HTR2C: variants seen among roughly 807,000 people sequenced by gnomAD.
The protein encoded by HTR2C is 5-hydroxytryptamine receptor 2C.
A neutral mutation model predicts 21.0 loss-of-function variants in HTR2C; 5 were observed. The ratio of observed to expected loss-of-function variants is 0.24; its 90% CI spans 0.12 to 0.50. The LOEUF (loss-of-function observed/expected upper bound fraction) is 0.50. HTR2C is among the 20% of genes least tolerant of loss of function. HTR2C has a pLI of 0.98. For missense variants in HTR2C, 271 were observed against 371.2 expected (o/e 0.73, Z 2.22); for synonymous variants, 150 against 145.3 (o/e 1.03, Z -0.23).
intron 4 of HTR2C, among the ~76,000 whole-genome samples, chrX:114,841,467 C>T (rs1417302519): frequency 6.2e-5 from 7 of 112,054 alleles, no homozygotes; most frequent in African/African-American, 1.3e-4. Flanking sequence ...TGCGGCTGGG[C>T]GCAGTGGCTC....
chrX:114,811,968 A>G (rs2070535992), intron 4 of HTR2C, among the ~76,000 whole-genome samples: 1 of 111,367 alleles, frequency 9.0e-6, no homozygotes, highest in Admixed American at 9.6e-5. Context: ...TCTGGGGTAC[A>G]TGTGCAGGAT....
intron 4 of HTR2C, among the ~76,000 whole-genome samples, chrX:114,768,326 C>G (rs2069965955): frequency 9.0e-6 from 1 of 110,799 alleles, no homozygotes; most frequent in African/African-American, 3.3e-5. Context: ...ATATTAAAAG[C>G]TGAATGTGAA....
chrX:114,713,195 A>G (rs1306808068), intron 2 of HTR2C, among the ~76,000 whole-genome samples: 4 of 111,426 alleles, frequency 3.6e-5, no homozygotes, highest in African/African-American at 1.3e-4. Context: ...TTTGCAACCA[A>G]TCTATCCCTT....
At chrX:114,778,960 T>C (rs1336001351) in intron 4 of HTR2C, among the ~76,000 whole-genome samples, 3 of 111,814 alleles carry the variant, frequency 2.7e-5, no homozygotes, top group Non-Finnish European at 1.9e-5. Context: ...GAAGAATAAA[T>C]ATATATAGGG....
intron 4 of HTR2C, among the ~76,000 whole-genome samples, chrX:114,841,608 G>A: frequency 9.0e-6 from 1 of 110,841 alleles, no homozygotes; most frequent in African/African-American, 3.3e-5. Flanking sequence ...TGGAGCGATG[G>A]TGGGCACCTG....
chrX:114,662,421 TTC>T (rs1392994033), intron 2 of HTR2C, among the ~76,000 whole-genome samples: 28 of 111,468 alleles, frequency 2.5e-4, no homozygotes, highest in African/African-American at 9.1e-4. Context: ...TATGTTGTGT[TTC>T]TCTGTTTACC....
chrX:114,709,532 A>G (rs187947867), intron 2 of HTR2C, among the ~76,000 whole-genome samples: 66 of 112,447 alleles, frequency 5.9e-4, no homozygotes, highest in African/African-American at 2.0e-3. Context: ...TAAATGATCA[A>G]GAAAGCAACT....
At position 114,759,658 on chromosome X, in the gene HTR2C, A is replaced by T. The variant is rs782008197; in HGVS notation, c.349+28051A>T. ...ATATTTACATCATCTTTAACTTTCC[A>T]CGGGGCCCCAATTCGTCAATCTCAA... On this transcript the variant is annotated intron_variant, in intron 4 of 5. Transcript: ENST00000276198. Among the ~76,000 whole-genome samples, 14 of 110,830 alleles carry T rather than the reference A, an allele frequency of 1.3e-4. No individual in the cohort carries two copies. The East Asian group carries it at 3.7e-3, about 29-fold the overall frequency.
At chrX:114,823,541 C>T (rs782159913) in intron 4 of HTR2C, 1 of 341,491 alleles carries the variant, frequency 2.9e-6, no homozygotes, top group Admixed American at 3.1e-5. Flanking sequence ...TGTAGGATGT[C>T]CCATCTCCCA....
chrX:114,836,282 A>C (rs1248165259), intron 4 of HTR2C, among the ~76,000 whole-genome samples: 1 of 111,372 alleles, frequency 9.0e-6, no homozygotes, highest in African/African-American at 3.2e-5. Context: ...AGCCTGGGCA[A>C]TGGCGGGCGC....
chrX:114,651,395 A>G (rs965563164), intron 2 of HTR2C: 8 of 123,183 alleles, frequency 6.5e-5, no homozygotes, highest in Non-Finnish European at 1.1e-4. Flanking sequence ...GTAAGAGACT[A>G]CTTAGATATT....
At chrX:114,813,140 T>A (rs2070551345) in intron 4 of HTR2C, among the ~76,000 whole-genome samples, 1 of 112,110 alleles carries the variant, frequency 8.9e-6, no homozygotes, top group African/African-American at 3.2e-5. Context: ...CAAAATATAT[T>A]TCACAATGTC....
At chrX:114,836,018 G>A (rs1314206502) in intron 4 of HTR2C, among the ~76,000 whole-genome samples, 12 of 107,913 alleles carry the variant, frequency 1.1e-4, no homozygotes, top group African/African-American at 3.7e-4. Flanking sequence ...TAGGCTGCTC[G>A]GGGGTCAGGG....
chrX:114,630,891 C>T (rs1556404125), intron 2 of HTR2C: 5 of 368,658 alleles, frequency 1.4e-5, no homozygotes, highest in South Asian at 4.8e-5. Flanking sequence ...AGAGTCACAC[C>T]GTGGGCTACT....
chrX:114,847,029 C>T (rs1404683389), intron 4 of HTR2C, among the ~76,000 whole-genome samples: 1 of 110,372 alleles, frequency 9.1e-6, no homozygotes, highest in Non-Finnish European at 1.9e-5. Flanking sequence ...TTTACAACAG[C>T]TTCCAAAAAA....
intron 5 of HTR2C, among the ~76,000 whole-genome samples, chrX:114,891,619 A>G (rs782260923): frequency 1.5e-3 from 166 of 109,916 alleles, no homozygotes; most frequent in Non-Finnish European, 1.8e-3. Context: ...GAGATTTAGG[A>G]TAGGTTGGAG....
At chrX:114,664,936 G>A (rs1556410703) in intron 2 of HTR2C, among the ~76,000 whole-genome samples, 4 of 112,225 alleles carry the variant, frequency 3.6e-5, no homozygotes, top group Non-Finnish European at 7.5e-5. Flanking sequence ...TGATGTTCAT[G>A]TAAATTTTTG....
At chrX:114,678,388 A>G in intron 2 of HTR2C, among the ~76,000 whole-genome samples, 1 of 110,755 alleles carries the variant, frequency 9.0e-6, no homozygotes, top group South Asian at 3.9e-4. Flanking sequence ...TCCCACCTAT[A>G]TTCTTACTTC....
At chrX:114,715,256 C>T (rs1556419634) in intron 2 of HTR2C, 3 of 376,291 alleles carry the variant, frequency 8.0e-6, no homozygotes, top group Non-Finnish European at 1.1e-5. Flanking sequence ...AGAGTTCATT[C>T]GGCTGTCCAG....
Sources: allele counts gnomAD v4.1 joint callset (sites outside exome capture counted in the v4.1 genomes callset), GRCh38; gene constraint gnomAD v4.1.1; transcripts MANE v1.5; gene names NCBI Gene and HGNC (gene_info 2026-07-23, HGNC 2026-07-21).